Variants in IL1RAPL2 observed in about 807,000 individuals in gnomAD.
IL1RAPL2 encodes X-linked interleukin-1 receptor accessory protein-like 2.
IL1RAPL2 carries 3 observed loss-of-function variants against 44.1 expected under a neutral mutation model. The ratio of observed to expected loss-of-function variants is 0.07; its 90% CI spans 0.03 to 0.18. The LOEUF (loss-of-function observed/expected upper bound fraction) is 0.18. Among genes scored for constraint, IL1RAPL2 ranks in the 10% least tolerant of loss-of-function variants. The pLI, the probability that IL1RAPL2 is intolerant of heterozygous loss-of-function variation, is 1.00. For synonymous variants in IL1RAPL2, 181 were observed against 178.8 expected, an observed-to-expected ratio of 1.01 and a Z score of -0.10; for missense variants, 391 against 496.4, an observed-to-expected ratio of 0.79 and a Z score of 2.02.
chrX:104,993,477 T>C (rs1042690274), intron 2 of IL1RAPL2, among the ~76,000 whole-genome samples: 3 of 111,845 alleles, frequency 2.7e-5, no homozygotes, highest in African/African-American at 9.7e-5. Flanking sequence ...GCACTATTAT[T>C]TAAGAGGGAA....
chrX:104,614,216 A>C (rs1929225213), intron 1 of IL1RAPL2, among the ~76,000 whole-genome samples: 1 of 109,936 alleles, frequency 9.1e-6, no homozygotes, highest in African/African-American at 3.3e-5. Context: ...GGTTTTACTT[A>C]TTTTCTGCTA....
chrX:105,407,092 CT>C, intron 5 of IL1RAPL2: 1 of 587,432 alleles, frequency 1.7e-6, no homozygotes, highest in Non-Finnish European at 2.9e-6. Context: ...AAATGTTTTC[CT>C]TATCACTTTT....
intron 5 of IL1RAPL2, among the ~76,000 whole-genome samples, chrX:105,482,936 G>T (rs192828854): frequency 1.8e-5 from 2 of 109,630 alleles, no homozygotes; most frequent in African/African-American, 6.6e-5. Context: ...ACAATAGTTT[G>T]ATATAAGTAA....
intron 6 of IL1RAPL2, among the ~76,000 whole-genome samples, chrX:105,702,196 C>T (rs1334844838): frequency 9.0e-6 from 1 of 111,255 alleles, no homozygotes; most frequent in Non-Finnish European, 1.9e-5. Context: ...TATTTGACTG[C>T]AGAAAAAAAT....
At chrX:104,806,413 C>T (rs899195101) in intron 2 of IL1RAPL2, among the ~76,000 whole-genome samples, 5 of 112,400 alleles carry the variant, frequency 4.4e-5, no homozygotes, top group Non-Finnish European at 9.4e-5. Flanking sequence ...GCACTGGCTG[C>T]TATTAGGTCA....
chrX:105,561,128 T>G (rs1362378111), intron 6 of IL1RAPL2, among the ~76,000 whole-genome samples: 1 of 111,356 alleles, frequency 9.0e-6, no homozygotes, highest in Non-Finnish European at 1.9e-5. Flanking sequence ...GCAGAATGTC[T>G]TACCCATAAA....
At chrX:105,051,057 C>A (rs753941835) in intron 2 of IL1RAPL2, among the ~76,000 whole-genome samples, 25 of 112,574 alleles carry the variant, frequency 2.2e-4, no homozygotes, top group Non-Finnish European at 4.1e-4. Context: ...CACACTAAGT[C>A]CCCATTCCAG....
intron 2 of IL1RAPL2, among the ~76,000 whole-genome samples, chrX:104,985,895 A>T: frequency 8.9e-6 from 1 of 112,085 alleles, no homozygotes; most frequent in South Asian, 3.7e-4. Context: ...GCATTTTTTG[A>T]TAGAAACTTG....
At chrX:105,423,044 A>G (rs1318253917) in intron 5 of IL1RAPL2, among the ~76,000 whole-genome samples, 2 of 111,270 alleles carry the variant, frequency 1.8e-5, no homozygotes, top group Admixed American at 9.6e-5. Flanking sequence ...ATAATTTAAC[A>G]TAACAATTAT....
intron 2 of IL1RAPL2, among the ~76,000 whole-genome samples, chrX:104,876,449 T>C (rs1922901099): frequency 8.9e-6 from 1 of 111,743 alleles, no homozygotes; most frequent in Non-Finnish European, 1.9e-5. Context: ...TATTTTTTCG[T>C]CTTTTCCCAC....
intron 2 of IL1RAPL2, among the ~76,000 whole-genome samples, chrX:105,109,288 T>TA (rs1478923462): frequency 8.9e-6 from 1 of 112,318 alleles, no homozygotes; most frequent in Non-Finnish European, 1.9e-5. Flanking sequence ...CAGATATCTT[T>TA]AAAAAATGAT....
intron 6 of IL1RAPL2, among the ~76,000 whole-genome samples, chrX:105,488,189 C>T (rs1357241491): frequency 2.7e-5 from 3 of 111,904 alleles, no homozygotes; most frequent in Admixed American, 1.9e-4. Context: ...GGTTGGCCGT[C>T]GGGACACACT....
intron 5 of IL1RAPL2, among the ~76,000 whole-genome samples, chrX:105,469,218 T>C (rs2036150253): frequency 9.0e-6 from 1 of 111,326 alleles, no homozygotes; most frequent in East Asian, 2.9e-4. Flanking sequence ...AAAAAGATTG[T>C]CTAGGATGGA....
At chrX:104,891,129 G>C (rs992332766) in intron 2 of IL1RAPL2, among the ~76,000 whole-genome samples, 2 of 111,201 alleles carry the variant, frequency 1.8e-5, no homozygotes, top group Non-Finnish European at 3.8e-5. Flanking sequence ...TATTATTTCT[G>C]AGGGCTCTGT....
Position 104,629,504 on chromosome X carries a change from T to C in IL1RAPL2, c.-19-29391T>C, listed in dbSNP as rs1929589838. Among the ~76,000 whole-genome samples, 3 of 112,225 alleles carry C rather than the reference T, an allele frequency of 2.7e-5. No homozygotes were observed. The South Asian group carries it at 1.1e-3, about 41-fold the overall frequency. ...TTGTCCTTTCACTCTGTTTCTTGTT[T>C]CCTTTGCTGTCCAGAAGCTTTTTAG... On this transcript the variant is annotated intron_variant, in intron 1 of 10. Transcript: ENST00000372582.
intron 2 of IL1RAPL2, among the ~76,000 whole-genome samples, chrX:104,690,715 T>A (rs1931077413): frequency 8.9e-6 from 1 of 112,335 alleles, no homozygotes; most frequent in Non-Finnish European, 1.9e-5. Context: ...GGTTCTGGCA[T>A]CTTTAGTGAA....
At chrX:104,600,576 G>A (rs1184471216) in intron 1 of IL1RAPL2, among the ~76,000 whole-genome samples, 2 of 108,554 alleles carry the variant, frequency 1.8e-5, no homozygotes, top group Non-Finnish European at 3.8e-5. Flanking sequence ...TGTTACATGA[G>A]TAAATTGTGT....
intron 1 of IL1RAPL2, among the ~76,000 whole-genome samples, chrX:104,635,913 G>A (rs901644875): frequency 1.8e-4 from 20 of 111,948 alleles, no homozygotes; most frequent in Non-Finnish European, 3.2e-4. Context: ...GAGGAGGAGA[G>A]GCACTCTGAT....
intron 2 of IL1RAPL2, among the ~76,000 whole-genome samples, chrX:105,184,553 T>G (rs2033566275): frequency 9.1e-6 from 1 of 109,903 alleles, no homozygotes; most frequent in Non-Finnish European, 1.9e-5. Context: ...AATATGAATA[T>G]GTTGTACAAT....
Sources: gnomAD v4.1 joint callset for allele counts (sites outside exome capture counted in the v4.1 genomes callset) on GRCh38, gnomAD v4.1.1 for gene constraint, MANE v1.5 for transcripts, NCBI Gene and HGNC (gene_info 2026-07-23, HGNC 2026-07-21) for gene names.